KMT5B: variants seen among roughly 807,000 people sequenced by gnomAD.
The protein encoded by KMT5B is histone-lysine N-methyltransferase KMT5B.
In KMT5B, 10 loss-of-function variants were observed where a neutral mutation model predicts 83.2. The observed-to-expected ratio is 0.12, with a 90% confidence interval of 0.07 to 0.20. The LOEUF is 0.20. Ranked by LOEUF, KMT5B falls within the 10% of genes least tolerant of loss-of-function variation. The pLI, the probability that KMT5B is intolerant of heterozygous loss-of-function variation, is 1.00. For missense variants in KMT5B, 753 were observed against 1,067.2 expected (o/e 0.71, Z 4.10); for synonymous variants, 349 against 388.8 (o/e 0.90, Z 1.20).
At position 68,189,053 on chromosome 11, in the gene KMT5B, G is replaced by A. The variant is rs1457126454; in HGVS notation, c.160+864C>T. 2.0e-5 allele frequency among the ~76,000 whole-genome samples: 3 copies of A among 152,136 alleles called. No individual in the cohort carries two copies. The South Asian group carries it at 6.2e-4, about 31-fold the overall frequency. On this transcript the variant is annotated intron_variant, in intron 2 of 10. Transcript: ENST00000304363. The stretch of plus-strand genomic sequence containing the variant: ...CCAATGAATCGCATAAACCCTAAAA[G>A]GTAAGAAGGAAATCTATCAGAACTT...
At chr11:68,161,064 C>T (rs989147307) in intron 10 of KMT5B, among the ~76,000 whole-genome samples, 2 of 152,184 alleles carry the variant, frequency 1.3e-5, no homozygotes, top group African/African-American at 2.4e-5. Flanking sequence ...CAAGAACATA[C>T]TTACACATGT....
rs371186144 is a variant in KMT5B at position 68,166,181 on chromosome 11, A to C, written c.1174+801T>G. The C allele has an allele frequency of 2.9e-5, 39 of 1,329,236 alleles. 1 individual carries two copies. The African/African-American group carries it at 4.0e-4, about 14-fold the overall frequency. 82.3% of individuals were successfully genotyped at this position (1,329,236 alleles called of 1,614,324 possible). Reference sequence around the variant, plus strand: ...ACTGCTTTAGTGGCAACTACAGAAAACTGGTGTTACCCAGAAAAACAGGAG... The same window carrying C: ...ACTGCTTTAGTGGCAACTACAGAAACCTGGTGTTACCCAGAAAAACAGGAG... On this transcript the variant is annotated intron_variant, in intron 10 of 10. Transcript: ENST00000304363.
At chr11:68,161,479 C>T (rs764912872) in intron 10 of KMT5B, among the ~76,000 whole-genome samples, 17 of 152,086 alleles carry the variant, frequency 1.1e-4, no homozygotes, top group South Asian at 2.1e-4. Flanking sequence ...ACTCTCATGA[C>T]GTACCTGCAA....
At chr11:68,184,917 T>C (rs1857287581) in intron 3 of KMT5B, among the ~76,000 whole-genome samples, 1 of 152,222 alleles carries the variant, frequency 6.6e-6, no homozygotes, top group Admixed American at 6.5e-5. Context: ...AATAATGTTT[T>C]TTATATACAG....
At chr11:68,161,722 C>G (rs1361765676) in intron 10 of KMT5B, among the ~76,000 whole-genome samples, 1 of 152,194 alleles carries the variant, frequency 6.6e-6, no homozygotes, top group African/African-American at 2.4e-5. Context: ...AGAGCGCACT[C>G]TCCTGGTTCC....
At chr11:68,191,055 G>C (rs2153073384) in intron 1 of KMT5B, among the ~76,000 whole-genome samples, 1 of 152,266 alleles carries the variant, frequency 6.6e-6, no homozygotes, top group East Asian at 1.9e-4. Context: ...GGAGTGCAGT[G>C]GTGTGATTAT....
At position 68,157,591 on chromosome 11, in the gene KMT5B, T is replaced by G; in HGVS notation, c.*97A>C. 6.8e-7 allele frequency: 1 copy of G among 1,470,952 alleles called. No individual in the cohort carries two copies. Among genetic ancestry groups the G allele is most frequent in the Admixed American group, 2.5e-5 (1 of 40,400 alleles). 91.1% of individuals were successfully genotyped at this position (1,470,952 alleles called of 1,614,324 possible). A position where few individuals can be genotyped will look rare whatever the true frequency, so the allele number is the denominator to read the frequency against. ...AGTATGCTGATAAGTGAAGGGACAA[T>G]AGAAGTGCTGCCACTAAACTTTCAG... On this transcript the variant is annotated 3_prime_UTR_variant, in exon 11 of 11. Coordinates refer to ENST00000304363, the MANE Select transcript of KMT5B (RefSeq NM_017635.5).
chr11:68,189,354 G>A (rs547999206), intron 2 of KMT5B, among the ~76,000 whole-genome samples: 11 of 152,100 alleles, frequency 7.2e-5, no homozygotes, highest in Non-Finnish European at 1.5e-4. Flanking sequence ...CCTATCAAGA[G>A]GTATAGAGGA....
rs183534037 is a variant in KMT5B at position 68,193,178 on chromosome 11, T to C, written c.-76-3026A>G. 1.9e-3 allele frequency among the ~76,000 whole-genome samples: 284 copies of C among 152,254 alleles called. 1 individual carries two copies. The highest frequency in any genetic ancestry group is 2.8e-3 in the Non-Finnish European group (190 of 68,020). ...AAGATCATCAGTGCAACTCCTTCAA[T>C]TTGCAAATGAAACTGAGGCCACATG... On this transcript the variant is annotated intron_variant, in intron 1 of 10. Coordinates refer to ENST00000304363, the MANE Select transcript of KMT5B (RefSeq NM_017635.5).
At chr11:68,209,237 G>A (rs537117453) in intron 1 of KMT5B, among the ~76,000 whole-genome samples, 32 of 152,188 alleles carry the variant, frequency 2.1e-4, no homozygotes, top group African/African-American at 7.2e-4. Flanking sequence ...TCATCGGGCC[G>A]ACCTAGAATC....
intron 10 of KMT5B, among the ~76,000 whole-genome samples, chr11:68,160,901 C>T (rs1388817063): frequency 6.6e-6 from 1 of 152,132 alleles, no homozygotes; most frequent in Non-Finnish European, 1.5e-5. Context: ...GAGCCAAAAT[C>T]GCACGATTGT....
rs1362939622 is a variant in KMT5B at position 68,155,503 on chromosome 11, T to C, written c.*2185A>G. On this transcript the variant is annotated 3_prime_UTR_variant, in exon 11 of 11. Transcript: ENST00000304363. The stretch of plus-strand genomic sequence containing the variant: ...AAATGGGAAATGTGTTTTGTCACTT[T>C]TTAAGATCGAAATTCCCAAAATAGC... The C allele has an allele frequency of 1.3e-5, 2 of 152,192 alleles. No individual in the cohort carries two copies. The highest frequency in any genetic ancestry group is 4.8e-5 in the African/African-American group (2 of 41,428). 9.4% of individuals were successfully genotyped at this position (152,192 alleles called of 1,614,324 possible).
intron 1 of KMT5B, among the ~76,000 whole-genome samples, chr11:68,202,947 T>G (rs183850119): frequency 7.2e-4 from 109 of 152,248 alleles, no homozygotes; most frequent in Admixed American, 1.3e-3. Flanking sequence ...TACCCAGAAG[T>G]AGAATTGCCG....
chr11:68,160,813 G>A (rs1163667644), intron 10 of KMT5B, among the ~76,000 whole-genome samples: 1 of 152,184 alleles, frequency 6.6e-6, no homozygotes, highest in African/African-American at 2.4e-5. Context: ...CGGGCACGGT[G>A]GTACGTGCCT....
intron 3 of KMT5B, among the ~76,000 whole-genome samples, chr11:68,183,802 G>A (rs1268544806): frequency 6.6e-6 from 1 of 150,834 alleles, no homozygotes; most frequent in Non-Finnish European, 1.5e-5. Context: ...CAGGACTACA[G>A]GTGTGCACCA....
At chr11:68,189,765 A>C in intron 2 of KMT5B, 152 bp downstream of exon 2, 1 of 622,586 alleles carries the variant, frequency 1.6e-6, no homozygotes, top group Non-Finnish European at 2.6e-6. Context: ...ATAAAAATTG[A>C]CACAACTTTG....
At chr11:68,167,564 C>T (rs1239531907) in intron 9 of KMT5B, among the ~76,000 whole-genome samples, 1 of 151,620 alleles carries the variant, frequency 6.6e-6, no homozygotes, top group Non-Finnish European at 1.5e-5. Flanking sequence ...AAGAAGTCGT[C>T]CCACCTCAGC....
intron 10 of KMT5B, chr11:68,166,385 C>T: frequency 3.9e-6 from 4 of 1,020,162 alleles, no homozygotes; most frequent in Non-Finnish European, 4.7e-6. Context: ...TTCTCCTTTC[C>T]ATCTTTACTC....
intron 4 of KMT5B, chr11:68,179,636 G>T: frequency 2.4e-6 from 3 of 1,232,936 alleles, no homozygotes; most frequent in African/African-American, 1.6e-5. Flanking sequence ...TGGGGAACAG[G>T]AAGGGGAACA....
Sources: allele counts gnomAD v4.1 joint callset (sites outside exome capture counted in the v4.1 genomes callset), GRCh38; gene constraint gnomAD v4.1.1; transcripts MANE v1.5; gene names NCBI Gene and HGNC (gene_info 2026-07-23, HGNC 2026-07-21).